Variants in GBE1 observed in about 807,000 individuals in gnomAD.
The protein encoded by GBE1 is 1,4-alpha-glucan-branching enzyme.
A neutral mutation model predicts 88.8 loss-of-function variants in GBE1; 70 were observed. The observed-to-expected ratio is 0.79, with a 90% CI of 0.65 to 0.96. The LOEUF is 0.96. Ranked by LOEUF, GBE1 falls within the 40% of genes least tolerant of loss-of-function variation. GBE1 has a pLI of 0.00. For missense variants in GBE1, 872 were observed against 871.0 expected, an observed-to-expected ratio of 1.00 and a Z score of -0.01; for synonymous variants, 284 against 300.1, an observed-to-expected ratio of 0.95 and a Z score of 0.56.
chr3:81,679,752 T>C (rs939911405), intron 2 of GBE1, among the ~76,000 whole-genome samples: 5 of 152,222 alleles, frequency 3.3e-5, no homozygotes, highest in African/African-American at 1.2e-4. Flanking sequence ...TTCCTTAAGA[T>C]TTTTTCATTA....
At chr3:81,638,655 T>TA (rs1704625835) in intron 7 of GBE1, among the ~76,000 whole-genome samples, 1 of 152,176 alleles carries the variant, frequency 6.6e-6, no homozygotes, top group Non-Finnish European at 1.5e-5. Flanking sequence ...TTAGCAAAGC[T>TA]AGAAGGCAGT....
chr3:81,740,626 C>T (rs1706334031), intron 1 of GBE1, among the ~76,000 whole-genome samples: 1 of 152,178 alleles, frequency 6.6e-6, no homozygotes, highest in East Asian at 1.9e-4. Flanking sequence ...GTATGAAATA[C>T]TTAAAGCCAT....
In GBE1 at chr3:81,675,072, C is replaced by G. The variant is rs541978834; in HGVS notation, c.314-4119G>C. ...ATCTTTGGTGAGGCCTAATAATTTG[C>G]ATTTCTAAAAAGGTCATAGGTGATG... On this transcript the variant is annotated intron_variant, in intron 2 of 15. Transcript: ENST00000429644. 3.3e-5 allele frequency among the ~76,000 whole-genome samples: 5 copies of G among 152,026 alleles called. No individual in the cohort carries two copies. In the South Asian group the frequency reaches 1.0e-3, roughly 31 times the overall value.
chr3:81,628,048 C>A (rs1253247990), intron 7 of GBE1, among the ~76,000 whole-genome samples: 1 of 151,982 alleles, frequency 6.6e-6, no homozygotes, highest in Non-Finnish European at 1.5e-5. Context: ...ATATGAGACA[C>A]AGAGTTTATG....
Position 81,674,251 on chromosome 3 carries a change from T to C in GBE1, c.314-3298A>G, listed in dbSNP as rs138216825. On this transcript the variant is annotated intron_variant, in intron 2 of 15. Coordinates refer to ENST00000429644, the MANE Select transcript of GBE1 (RefSeq NM_000158.4). ...CTACCACACTACATCACACAAAGGA[T>C]TTTTTCCAATAAAACCAGTTCCTGC... Among the ~76,000 whole-genome samples the C allele has an allele frequency of 1.3e-3, 195 of 151,946 alleles. 2 individuals are homozygous for C. The highest frequency in any genetic ancestry group is 4.5e-3 in the African/African-American group (188 of 41,508).
chr3:81,656,163 G>A (rs897935918), intron 3 of GBE1, among the ~76,000 whole-genome samples: 26 of 152,056 alleles, frequency 1.7e-4, no homozygotes, highest in African/African-American at 5.8e-4. Flanking sequence ...CACACCCTAC[G>A]CCAAGAATCT....
At chr3:81,518,267 C>G (rs1218345182) in intron 14 of GBE1, among the ~76,000 whole-genome samples, 2 of 151,324 alleles carry the variant, frequency 1.3e-5, no homozygotes, top group African/African-American at 2.4e-5. Flanking sequence ...CATCATTGCA[C>G]AACTGAGCTA....
At chr3:81,632,083 T>A (rs1251497876) in intron 7 of GBE1, among the ~76,000 whole-genome samples, 1 of 152,176 alleles carries the variant, frequency 6.6e-6, no homozygotes, top group Non-Finnish European at 1.5e-5. Context: ...CCTGTGTTAG[T>A]TTGCTGAGAA....
intron 7 of GBE1, among the ~76,000 whole-genome samples, chr3:81,608,282 T>C (rs1462413990): frequency 6.6e-6 from 1 of 152,176 alleles, no homozygotes; most frequent in African/African-American, 2.4e-5. Context: ...TGTCAGTACT[T>C]TGCACAAGGA....
chr3:81,519,164 AC>A (rs1388859391), intron 14 of GBE1, among the ~76,000 whole-genome samples: 1 of 151,620 alleles, frequency 6.6e-6, no homozygotes. Context: ...CAGCAATCAC[AC>A]TGCAGTAAAT....
intron 3 of GBE1, among the ~76,000 whole-genome samples, chr3:81,666,032 A>C (rs1011833095): frequency 3.3e-5 from 5 of 152,064 alleles, no homozygotes; most frequent in African/African-American, 1.2e-4. Flanking sequence ...TACCTTGTAG[A>C]CATCACTCTT....
intron 14 of GBE1, among the ~76,000 whole-genome samples, chr3:81,521,437 C>T (rs568353501): frequency 2.6e-5 from 4 of 151,556 alleles, no homozygotes; most frequent in East Asian, 2.0e-4. Flanking sequence ...GAATATTTTG[C>T]TAAAGACAGA....
At chr3:81,685,738 CA>C (rs1302303531) in intron 2 of GBE1, among the ~76,000 whole-genome samples, 1 of 152,018 alleles carries the variant, frequency 6.6e-6, no homozygotes, top group African/African-American at 2.4e-5. Flanking sequence ...CTGATGTTTT[CA>C]AACATGCCCT....
intron 2 of GBE1, among the ~76,000 whole-genome samples, chr3:81,681,368 T>C (rs1272631335): frequency 6.6e-6 from 1 of 152,130 alleles, no homozygotes; most frequent in Non-Finnish European, 1.5e-5. Context: ...AACTGCAACT[T>C]AACTGATTCA....
chr3:81,613,573 T>C (rs529157569), intron 7 of GBE1, among the ~76,000 whole-genome samples: 32 of 152,102 alleles, frequency 2.1e-4, no homozygotes, highest in Middle Eastern at 6.8e-3. Flanking sequence ...AACAATGGGG[T>C]TATAGAAGGT....
chr3:81,617,097 C>G (rs903546340), intron 7 of GBE1, among the ~76,000 whole-genome samples: 1 of 83,748 alleles, frequency 1.2e-5, no homozygotes, highest in African/African-American at 9.2e-5. Context: ...TTATTAAATT[C>G]TGGAGGGGTT....
intron 7 of GBE1, among the ~76,000 whole-genome samples, chr3:81,625,733 C>A (rs558654321): frequency 3.3e-5 from 5 of 152,254 alleles, no homozygotes; most frequent in African/African-American, 1.2e-4. Context: ...AGTCACCATG[C>A]CTAGCCCTTG....
At chr3:81,587,987 TG>T (rs1317542845) in intron 9 of GBE1, among the ~76,000 whole-genome samples, 1 of 152,186 alleles carries the variant, frequency 6.6e-6, no homozygotes, top group Non-Finnish European at 1.5e-5. Flanking sequence ...TGCATGTACT[TG>T]TTACGAGCTT....
chr3:81,674,063 T>C (rs921825861), intron 2 of GBE1, among the ~76,000 whole-genome samples: 1 of 151,968 alleles, frequency 6.6e-6, no homozygotes, highest in Non-Finnish European at 1.5e-5. Context: ...TAGTCCGTTT[T>C]CTCTCCAAAT....
Sources: gnomAD v4.1 joint callset for allele counts (sites outside exome capture counted in the v4.1 genomes callset) on GRCh38, gnomAD v4.1.1 for gene constraint, MANE v1.5 for transcripts, NCBI Gene and HGNC (gene_info 2026-07-23, HGNC 2026-07-21) for gene names.